Variants in CNTNAP5 observed in about 807,000 individuals in gnomAD.
CNTNAP5 encodes the protein contactin-associated protein-like 5.
Under a neutral mutation model 150.2 loss-of-function variants are expected in CNTNAP5, and 72 were observed. The ratio of observed to expected loss-of-function variants is 0.48; its 90% CI spans 0.40 to 0.58. CNTNAP5 has a LOEUF of 0.58. CNTNAP5 is among the 20% of genes least tolerant of loss of function. The pLI is 0.00. For missense variants in CNTNAP5, 1,636 were observed against 1,626.2 expected (o/e 1.01, Z -0.10); for synonymous variants, 672 against 619.8 (o/e 1.08, Z -1.25).
chr2:124,801,722 A>C (rs1161019197), intron 19 of CNTNAP5, among the ~76,000 whole-genome samples: 1 of 152,132 alleles, frequency 6.6e-6, no homozygotes, highest in African/African-American at 2.4e-5. Context: ...TGTTCCCAGT[A>C]TGTTTGTTCT....
intron 3 of CNTNAP5, among the ~76,000 whole-genome samples, chr2:124,301,296 A>C (rs186854213): frequency 1.3e-5 from 2 of 152,314 alleles, no homozygotes; most frequent in African/African-American, 4.8e-5. Flanking sequence ...TCAACGTGTT[A>C]AACTATCATG....
intron 3 of CNTNAP5, among the ~76,000 whole-genome samples, chr2:124,303,970 A>G (rs1199607717): frequency 6.6e-6 from 1 of 152,178 alleles, no homozygotes; most frequent in African/African-American, 2.4e-5. Flanking sequence ...GTCCAAGGTT[A>G]CAGCAAGCTA....
intron 1 of CNTNAP5, among the ~76,000 whole-genome samples, chr2:124,115,088 A>G (rs1683392075): frequency 3.3e-5 from 5 of 152,056 alleles, no homozygotes; most frequent in African/African-American, 9.7e-5. Context: ...ATGTCATGAT[A>G]TATAAAATCA....
At chr2:124,505,665 G>A (rs1481381355) in intron 8 of CNTNAP5, among the ~76,000 whole-genome samples, 1 of 152,064 alleles carries the variant, frequency 6.6e-6, no homozygotes, top group African/African-American at 2.4e-5. Context: ...TCCTCCAGCT[G>A]CTGTTTCTTC....
intron 11 of CNTNAP5, among the ~76,000 whole-genome samples, chr2:124,594,569 G>A (rs1573483015): frequency 1.4e-5 from 2 of 142,714 alleles, no homozygotes; most frequent in South Asian, 4.8e-4. Flanking sequence ...GTCAGGTAGT[G>A]TGATGCCTCC....
In CNTNAP5 at chr2:124,351,375, T is replaced by C. The variant is rs143978718; in HGVS notation, c.382-66068T>C. 5.1e-3 allele frequency among the ~76,000 whole-genome samples: 781 copies of C among 152,278 alleles called. 12 individuals carry two copies. Among genetic ancestry groups the C allele is most frequent in the African/African-American group, 0.018 (751 of 41,548 alleles). On this transcript the variant is annotated intron_variant, in intron 3 of 23. Transcript: ENST00000682447. The stretch of plus-strand genomic sequence containing the variant: ...CTGTGACTATACATCCTGGCTCCAC[T>C]GGCTGTCTATCATTTGTTCAGTTCA...
At chr2:124,121,336 G>C (rs958551328) in intron 1 of CNTNAP5, among the ~76,000 whole-genome samples, 1 of 152,098 alleles carries the variant, frequency 6.6e-6, no homozygotes, top group South Asian at 2.1e-4. Context: ...AAAACACAAG[G>C]CTTCCTCTCC....
chr2:124,721,079 C>G (rs1680039153), intron 13 of CNTNAP5, among the ~76,000 whole-genome samples: 1 of 152,120 alleles, frequency 6.6e-6, no homozygotes, highest in Admixed American at 6.6e-5. Context: ...ATAGTGTAAA[C>G]CAACACTCAC....
At chr2:124,296,115 C>A (rs752935222) in intron 3 of CNTNAP5, among the ~76,000 whole-genome samples, 2 of 152,106 alleles carry the variant, frequency 1.3e-5, no homozygotes, top group Non-Finnish European at 2.9e-5. Flanking sequence ...CCATTCATAT[C>A]ATGCAGGCTG....
chr2:124,118,374 G>C (rs933782019), intron 1 of CNTNAP5, among the ~76,000 whole-genome samples: 21 of 152,074 alleles, frequency 1.4e-4, no homozygotes, highest in Non-Finnish European at 2.9e-5. Flanking sequence ...TCAAACAGTC[G>C]ACAAGTCATT....
chr2:124,719,044 A>C (rs964440682), intron 13 of CNTNAP5, among the ~76,000 whole-genome samples: 1 of 152,086 alleles, frequency 6.6e-6, no homozygotes, highest in Admixed American at 6.5e-5. Context: ...AATGCAGAAC[A>C]CTGAGTGCCT....
intron 14 of CNTNAP5, among the ~76,000 whole-genome samples, chr2:124,762,706 T>C (rs903016470): frequency 1.3e-5 from 2 of 152,112 alleles, no homozygotes; most frequent in African/African-American, 4.8e-5. Context: ...CACAGCTGTA[T>C]ACTTCTAAAA....
chr2:124,533,254 GGA>G lies in CNTNAP5; in HGVS notation c.1649+5801_1649+5802del, dbSNP rs145077024. On this transcript the variant is annotated intron_variant, in intron 10 of 23. Transcript: ENST00000682447. ...CCTACTTCTAGGGCCATGCATGCAT[GGA>G]GATCCTGCATTTGCAGAAACCTGAG... 5.6e-3 allele frequency among the ~76,000 whole-genome samples: 850 copies of G among 152,240 alleles called. 10 individuals carry two copies. Among genetic ancestry groups the G allele is most frequent in the African/African-American group, 0.02 (818 of 41,554 alleles).
intron 1 of CNTNAP5, among the ~76,000 whole-genome samples, chr2:124,179,027 T>G (rs2104676762): frequency 6.6e-6 from 1 of 151,452 alleles, no homozygotes; most frequent in Non-Finnish European, 1.5e-5. Flanking sequence ...TTAGAGCTCT[T>G]TCAAGAAAGG....
At chr2:124,797,202 C>T (rs995298123) in intron 18 of CNTNAP5, among the ~76,000 whole-genome samples, 6 of 152,134 alleles carry the variant, frequency 3.9e-5, no homozygotes, top group African/African-American at 1.2e-4. Flanking sequence ...ACCACATGGC[C>T]GGCATGAAAC....
intron 13 of CNTNAP5, among the ~76,000 whole-genome samples, chr2:124,697,856 T>C (rs1679436044): frequency 6.6e-6 from 1 of 152,194 alleles, no homozygotes; most frequent in Non-Finnish European, 1.5e-5. Flanking sequence ...AATTATTACA[T>C]TATTTCAGCA....
intron 4 of CNTNAP5, among the ~76,000 whole-genome samples, chr2:124,422,691 A>G (rs1358119829): frequency 6.6e-6 from 1 of 152,224 alleles, no homozygotes; most frequent in East Asian, 1.9e-4. Context: ...TCCTGAGCAT[A>G]TGCAGCTCCA....
intron 1 of CNTNAP5, among the ~76,000 whole-genome samples, chr2:124,084,662 T>C (rs1239795642): frequency 6.6e-6 from 1 of 152,118 alleles, no homozygotes; most frequent in Non-Finnish European, 1.5e-5. Flanking sequence ...ACATATGTGC[T>C]TGCATATATG....
chr2:124,520,163 A>G, intron 8 of CNTNAP5, among the ~76,000 whole-genome samples: 1 of 152,202 alleles, frequency 6.6e-6, no homozygotes, highest in East Asian at 1.9e-4. Context: ...CTTTTCTCTT[A>G]TCAAGATATC....
Sources: gnomAD v4.1 joint callset for allele counts (sites outside exome capture counted in the v4.1 genomes callset) on GRCh38, gnomAD v4.1.1 for gene constraint, MANE v1.5 for transcripts, NCBI Gene and HGNC (gene_info 2026-07-23, HGNC 2026-07-21) for gene names.